The following SGTA variants were observed in gnomAD, a reference collection of about 807,000 sequenced individuals.
The protein encoded by SGTA is small glutamine-rich tetratricopeptide repeat-containing protein alpha.
Under a neutral mutation model 44.3 loss-of-function variants are expected in SGTA, and 22 were observed. That is an observed-to-expected ratio of 0.50 (90% confidence interval 0.36 to 0.71). The LOEUF is 0.71. Among genes scored for constraint, SGTA ranks in the 30% least tolerant of loss-of-function variants. The pLI is 0.00. For synonymous variants in SGTA, 174 were observed against 177.6 expected, an observed-to-expected ratio of 0.98 and a Z score of 0.16; for missense variants, 341 against 435.9, an observed-to-expected ratio of 0.78 and a Z score of 1.94.
rs1358665352 is a variant in SGTA, at chr19:2,755,432, G to A, written c.*508C>T. On this transcript the variant is annotated 3_prime_UTR_variant, in exon 12 of 12. Transcript: ENST00000221566. This position sits in a 1 kb window ranked among gnomAD's most constrained non-coding sequence, Gnocchi z 5.2. Reference sequence around the variant, plus strand: ...ACACATGGCCCGCGGTGCCCAGGCCGCAGCTGGCAGTGAGCTCTTCCGAGC... The same window carrying A: ...ACACATGGCCCGCGGTGCCCAGGCCACAGCTGGCAGTGAGCTCTTCCGAGC... 1.0e-5 allele frequency: 10 copies of A among 987,624 alleles called. No individual in the cohort carries two copies. The highest frequency in any genetic ancestry group is 6.1e-5 in the Admixed American group (1 of 16,286). The allele number at this position is 987,624 out of a possible 1,614,324, so 61.2% of individuals were successfully genotyped here.
intron 1 of SGTA, among the ~76,000 whole-genome samples, chr19:2,777,312 G>C (rs1195642434): frequency 6.6e-6 from 1 of 151,642 alleles, no homozygotes; most frequent in African/African-American, 2.4e-5. Context: ...AGCACTTCGG[G>C]AGGCCAAAGC....
intron 10 of SGTA, 101 bp from the exon 11 acceptor site, chr19:2,757,558 G>A: frequency 6.6e-7 from 1 of 1,508,454 alleles, no homozygotes; most frequent in Non-Finnish European, 8.9e-7. Context: ...CCAAAGACAG[G>A]CCTGACCCCT....
At chr19:2,756,429 C>T (rs1158102927) in intron 11 of SGTA, among the ~76,000 whole-genome samples, 4 of 141,476 alleles carry the variant, frequency 2.8e-5, no homozygotes, top group African/African-American at 8.0e-5. Flanking sequence ...GCCCTCCAGC[C>T]GGGGGGACAG....
intron 1 of SGTA, among the ~76,000 whole-genome samples, chr19:2,772,523 G>A (rs1915337300): frequency 6.6e-6 from 1 of 152,230 alleles, no homozygotes; most frequent in Non-Finnish European, 1.5e-5. Context: ...GCGGCTCCAG[G>A]GGCTGAATAC....
chr19:2,778,888 C>T (rs1915506033), intron 1 of SGTA, among the ~76,000 whole-genome samples: 1 of 152,192 alleles, frequency 6.6e-6, no homozygotes. Flanking sequence ...CACCCTCTGC[C>T]CAATCAGAAG....
intron 9 of SGTA, 90 bp downstream of exon 9, chr19:2,759,167 A>T: frequency 8.3e-7 from 1 of 1,199,778 alleles, no homozygotes; most frequent in South Asian, 1.2e-5. Context: ...TGCACACTTT[A>T]AAGTGGTTAG....
At chr19:2,774,914 G>A (rs1417532056) in intron 1 of SGTA, among the ~76,000 whole-genome samples, 2 of 152,200 alleles carry the variant, frequency 1.3e-5, no homozygotes, top group Admixed American at 6.5e-5. Flanking sequence ...CCAGACCAGC[G>A]GTTCTCGATG....
chr19:2,763,528 T>G lies in SGTA; in HGVS notation c.497+125A>C, dbSNP rs953289731. 35 of 643,586 alleles carry G rather than the reference T, an allele frequency of 5.4e-5. No homozygotes were observed. The highest frequency in any genetic ancestry group is 7.7e-5 in the Non-Finnish European group (29 of 374,582). The allele number at this position is 643,586 out of a possible 1,614,324, so 39.9% of individuals were successfully genotyped here. Reference sequence around the variant, plus strand: ...TGGCTCCGAACAGCTAGTGTCAGAGTTGAACTGAACCGGGGTGGGAGAATT... The same window carrying G: ...TGGCTCCGAACAGCTAGTGTCAGAGGTGAACTGAACCGGGGTGGGAGAATT... On this transcript the variant is annotated intron_variant, in intron 6 of 11. Coordinates refer to ENST00000221566, the MANE Select transcript of SGTA (RefSeq NM_003021.4). The surrounding 1 kb of genome is among the most constrained non-coding windows in gnomAD (Gnocchi z 5.8).
chr19:2,782,772 G>A (rs1041464330), intron 1 of SGTA: 1 of 152,258 alleles, frequency 6.6e-6, no homozygotes, highest in East Asian at 1.9e-4. Context: ...CCGTTTTACA[G>A]AGGGGAAAAC....
rs1260166423 is a variant in SGTA at position 2,762,560 on chromosome 19, T to C, written c.582A>G (p.Thr194=). Residue 194 remains threonine (T), a synonymous_variant, in exon 7 of 12, where the codon ACA becomes ACG. Transcript: ENST00000221566. The stretch of plus-strand genomic sequence containing the variant: ...CCGCTATCTTGAGGTTGGACTTGTA[T>C]GTCTCGTTGTCGGGGTCCAGCTCCA... The part of the protein sequence containing the change: ...KALELDPDNE[T]YKSNLKIAEL... The C allele has an allele frequency of 6.2e-7, 1 of 1,614,030 alleles. No individual in the cohort carries two copies. Among genetic ancestry groups the C allele is most frequent in the East Asian group, 2.2e-5 (1 of 44,900 alleles).
Position 2,765,732 on chromosome 19 carries a change from G to A in SGTA, c.293-447C>T, listed in dbSNP as rs781380710. 9.9e-5 allele frequency among the ~76,000 whole-genome samples: 15 copies of A among 152,132 alleles called. No homozygotes were observed. The highest frequency in any genetic ancestry group is 1.6e-4 in the Non-Finnish European group (11 of 68,012). On this transcript the variant is annotated intron_variant, in intron 4 of 11. Transcript: ENST00000221566. The surrounding 1 kb of genome is among the most constrained non-coding windows in gnomAD (Gnocchi z 5.5). ...TTCATAGGCAATGGGGCTTCTATCT[G>A]AGGCATGGGTCCCAGCTGGTAGGAC...
At chr19:2,759,107 ATAG>A (rs1419408244) in intron 9 of SGTA, 147 bp downstream of exon 9, 1 of 663,672 alleles carries the variant, frequency 1.5e-6, no homozygotes, top group African/African-American at 2.1e-5. Flanking sequence ...TGACAGTGTG[ATAG>A]TGGTGACAGT....
intron 1 of SGTA, among the ~76,000 whole-genome samples, chr19:2,779,425 A>G (rs1030871822): frequency 1.3e-5 from 2 of 152,130 alleles, no homozygotes; most frequent in African/African-American, 4.8e-5. Flanking sequence ...CCCGTAAGAA[A>G]GTTTTCTGCT....
chr19:2,776,459 C>A lies in SGTA; in HGVS notation c.-24+6774G>T, dbSNP rs1254289168. 2.0e-5 allele frequency among the ~76,000 whole-genome samples: 3 copies of A among 152,304 alleles called. No homozygotes were observed. In the South Asian group the frequency reaches 6.2e-4, roughly 32 times the overall value. On this transcript the variant is annotated intron_variant, in intron 1 of 11. Transcript: ENST00000221566. ...TAAGCCAGAAACAAAGGTACAAAAC[C>A]TGTGTGACTCCCCTCCTAGGCGGTC...
In SGTA at chr19:2,767,757, C is replaced by T. The variant is rs540973820; in HGVS notation, c.101-71G>A. 1.4e-5 allele frequency: 17 copies of T among 1,203,028 alleles called. No individual in the cohort carries two copies. The highest frequency in any genetic ancestry group is 2.4e-5 in the East Asian group (1 of 41,952). The allele number at this position is 1,203,028 out of a possible 1,614,324, so 74.5% of individuals were successfully genotyped here. ...AGGTTACGTTTTTGGGTCTAGAGGG[C>T]GGGGTTGGTGCTCATGCTTCCCCAG... On this transcript the variant is annotated intron_variant, in intron 2 of 11. Transcript: ENST00000221566. The surrounding 1 kb of genome is among the most constrained non-coding windows in gnomAD (Gnocchi z 7.3).
chr19:2,769,356 AG>A (rs967611999), intron 1 of SGTA, among the ~76,000 whole-genome samples: 2 of 152,186 alleles, frequency 1.3e-5, no homozygotes, highest in African/African-American at 4.8e-5. Flanking sequence ...GCGTGCTCCC[AG>A]GGCCTCCTGA....
chr19:2,772,069 C>T (rs1915324702), intron 1 of SGTA, among the ~76,000 whole-genome samples: 3 of 152,268 alleles, frequency 2.0e-5, no homozygotes. Flanking sequence ...CCGGGCCCAG[C>T]CCGTGCATAG....
intron 5 of SGTA, among the ~76,000 whole-genome samples, chr19:2,764,417 A>G (rs1467585782): frequency 6.6e-6 from 1 of 152,212 alleles, no homozygotes; most frequent in Non-Finnish European, 1.5e-5. Flanking sequence ...ATTATTTTTG[A>G]AACAGGGTTT....
chr19:2,782,898 G>T (rs761296869), intron 1 of SGTA, among the ~76,000 whole-genome samples: 1 of 152,192 alleles, frequency 6.6e-6, no homozygotes, highest in Non-Finnish European at 1.5e-5. Context: ...TCACAGGGAC[G>T]ACGTTTCCAG....
Sources: allele counts gnomAD v4.1 joint callset (sites outside exome capture counted in the v4.1 genomes callset), GRCh38; gene constraint gnomAD v4.1.1; non-coding constraint Gnocchi (gnomAD v3.1); transcripts MANE v1.5; gene names NCBI Gene and HGNC (gene_info 2026-07-23, HGNC 2026-07-21).